Variants in EPPK1 observed in about 807,000 individuals in gnomAD.
EPPK1 encodes epiplakin.
For synonymous variants in EPPK1, 1,862 were observed against 1,721.2 expected, an observed-to-expected ratio of 1.08 and a Z score of -2.03; for missense variants, 3,823 against 3,673.3, an observed-to-expected ratio of 1.04 and a Z score of -1.05.
At position 143,866,387 on chromosome 8, in the gene EPPK1, C is replaced by G; in HGVS notation, c.6867G>C (p.Ala2289=). The G allele has an allele frequency of 1.0e-6, 1 of 992,778 alleles. No individual in the cohort carries two copies. The highest frequency in any genetic ancestry group is 1.4e-6 in the Non-Finnish European group (1 of 709,692). The allele number at this position is 992,778 out of a possible 1,614,324, so 61.5% of individuals were successfully genotyped here. ...CCTGGATCTCGCCGCCCACCACGCC[C>G]GCGGCCACGGCCTCCTCCACCGACA... ...LRLSVEEAVA[A]GVVGGEIQEK... The change falls in exon 2 of 2, where the codon GCG becomes GCC. Residue 2289 remains alanine, a synonymous_variant. Coordinates refer to ENST00000615648, the MANE Select transcript of EPPK1 (RefSeq NM_031308.4).
Position 143,857,945 on chromosome 8 carries a change from C to T in EPPK1, c.*42G>A, listed in dbSNP as rs4977192. On this transcript the variant is annotated 3_prime_UTR_variant, in exon 2 of 2. Coordinates refer to ENST00000615648, the MANE Select transcript of EPPK1 (RefSeq NM_031308.4). The stretch of plus-strand genomic sequence containing the variant: ...CAACCCAGACACACAAGTATGCCTC[C>T]ACTTCTCCAGAGTTGCAGAAAACTG... 3.1e-3 allele frequency: 3,695 copies of T among 1,184,678 alleles called. 12 individuals are homozygous for T. Among genetic ancestry groups the T allele is most frequent in the Non-Finnish European group, 3.8e-3 (3,215 of 855,050 alleles). 73.4% of individuals were successfully genotyped at this position (1,184,678 alleles called of 1,614,324 possible).
At position 143,873,316 on chromosome 8, in the gene EPPK1, G is replaced by T. The variant is rs1468695220; in HGVS notation, c.-45-18C>A. ...CCTCTGTCCTGCAGGGGACAGAAAG[G>T]CTCAATCAGGGACCCCGCATGGCCT... On this transcript the variant is annotated intron_variant, in intron 1 of 1. Transcript: ENST00000615648. 1.4e-6 allele frequency: 2 copies of T among 1,432,104 alleles called. No homozygotes were observed. The highest frequency in any genetic ancestry group is 1.8e-6 in the Non-Finnish European group (2 of 1,095,472). The allele number at this position is 1,432,104 out of a possible 1,614,324, so 88.7% of individuals were successfully genotyped here. A position where few individuals can be genotyped will look rare whatever the true frequency, so the allele number is the denominator to read the frequency against.
At position 143,871,754 on chromosome 8, in the gene EPPK1, C is replaced by T; in HGVS notation, c.1500G>A (p.Val500=). 6.2e-7 allele frequency: 1 copy of T among 1,610,786 alleles called. No homozygotes were observed. The highest frequency in any genetic ancestry group is 8.5e-7 in the Non-Finnish European group (1 of 1,178,954). Residue 500 remains valine (V), a synonymous_variant, in exon 2 of 2, where the codon GTG becomes GTA. Coordinates refer to ENST00000615648, the MANE Select transcript of EPPK1 (RefSeq NM_031308.4). ...ACACGGGCCGGCCCCGGAACTTCCC[C>T]ACAGAGACGGTGGCTGTGGCCGTGC... is the stretch of plus-strand genomic sequence containing the variant. The part of the protein sequence containing the change: ...ALSTATATVS[V]GKFRGRPVSL...
rs566768696 is a variant in EPPK1, at chr8:143,869,173, C to A, written c.4081G>T (p.Ala1361Ser). 1 of 1,608,146 alleles carries A rather than the reference C, an allele frequency of 6.2e-7. No individual in the cohort carries two copies. Among genetic ancestry groups the A allele is most frequent in the African/African-American group, 1.3e-5 (1 of 75,042 alleles). ...ACAGGGTCCACCACACCCCCTGTGG[C>A]CAGCTGCACCTGCAGGAGGGGCAAG... Reference protein sequence around the residue: ...EGLPLLQVQLATGGVVDPVHG... With the variant: ...EGLPLLQVQLSTGGVVDPVHG... The change falls in exon 2 of 2, where the codon GCC becomes TCC. Residue 1361 changes from alanine (A) to serine (S), a missense_variant. By Grantham distance (99) the Ala-to-Ser change is moderately conservative (BLOSUM62 1). Transcript: ENST00000615648.
rs1554661441 is a variant in EPPK1, at chr8:143,872,111, C to T, written c.1143G>A (p.Met381Ile). The change falls in exon 2 of 2, where the codon ATG (methionine) becomes ATA (isoleucine). Residue 381 changes from methionine (M) to isoleucine (I), a missense_variant. Met to Ile is a conservative substitution (Grantham distance 10, BLOSUM62 1). Transcript: ENST00000615648. ...SGSQIPLFQAMKKGLVDRPLA... is the reference protein window; with the variant it reads ...SGSQIPLFQAIKKGLVDRPLA... ...GTGGCCTGTCCACTAGCCCCTTCTT[C>T]ATGGCCTGGAAAAGGGGGATTTGGG... The T allele has an allele frequency of 1.3e-6, 2 of 1,560,154 alleles. No homozygotes were observed. The highest frequency in any genetic ancestry group is 2.7e-5 in the African/African-American group (2 of 73,496).
chr8:143,877,741 A>G (rs1314088877), intron 1 of EPPK1, among the ~76,000 whole-genome samples: 1 of 151,994 alleles, frequency 6.6e-6, no homozygotes, highest in African/African-American at 2.4e-5. Flanking sequence ...GGAAGACCCC[A>G]CCCACCTGCA....
Position 143,857,895 on chromosome 8 carries a change from A to G in EPPK1, c.*92T>C. On this transcript the variant is annotated 3_prime_UTR_variant, in exon 2 of 2. Coordinates refer to ENST00000615648, the MANE Select transcript of EPPK1 (RefSeq NM_031308.4). ...GGTAAAACAACAAAATTAAAGAATG[A>G]CAAAAAAAAAAAAAAAAAAAAAAAC... 1.2e-6 allele frequency: 1 copy of G among 827,414 alleles called. No homozygotes were observed. 51.3% of individuals were successfully genotyped at this position (827,414 alleles called of 1,614,324 possible).
chr8:143,878,434 G>GCACCCGCCA lies in EPPK1; in HGVS notation c.-46+3_-46+4insTGGCGGGTG, dbSNP rs1819532342. Reference sequence around the variant, plus strand: ...ACCCGCCGCACCCGCCGCACCCGCCGCACCTGCCCGCTCGCCGCTCGGTCC... The same window carrying GCACCCGCCA: ...ACCCGCCGCACCCGCCGCACCCGCCGCACCCGCCACACCTGCCCGCTCGCCGCTCGGTCC... On this transcript the variant is annotated splice_donor_region_variant and intron_variant, in intron 1 of 1. Coordinates refer to ENST00000615648, the MANE Select transcript of EPPK1 (RefSeq NM_031308.4). 2 of 124,552 alleles carry GCACCCGCCA rather than the reference G, an allele frequency of 1.6e-5. No individual in the cohort carries two copies. Among genetic ancestry groups the GCACCCGCCA allele is most frequent in the Non-Finnish European group, 3.6e-5 (2 of 55,568 alleles). 7.7% of individuals were successfully genotyped at this position (124,552 alleles called of 1,614,324 possible).
At position 143,876,884 on chromosome 8, in the gene EPPK1, G is replaced by A. The variant is rs544508217; in HGVS notation, c.-46+1554C>T. 5.5e-4 allele frequency among the ~76,000 whole-genome samples: 83 copies of A among 152,274 alleles called. No individual in the cohort carries two copies. The East Asian group carries it at 0.016, about 29-fold the overall frequency. Reference sequence around the variant, plus strand: ...CGGGCCAGGGTGGGGCAGGGCCAGCGAGGGCGGGGCAGGGCCAGTGAGGGT... The same window carrying A: ...CGGGCCAGGGTGGGGCAGGGCCAGCAAGGGCGGGGCAGGGCCAGTGAGGGT... On this transcript the variant is annotated intron_variant, in intron 1 of 1. Transcript: ENST00000615648.
intron 1 of EPPK1, among the ~76,000 whole-genome samples, 197 bp downstream of exon 1, chr8:143,878,241 G>A (rs1311782061): frequency 6.6e-6 from 1 of 151,856 alleles, no homozygotes; most frequent in Non-Finnish European, 1.5e-5. Context: ...AAACCTGCCC[G>A]GCCAGAGCCC....
intron 1 of EPPK1, among the ~76,000 whole-genome samples, chr8:143,877,178 C>T (rs1158816143): frequency 2.6e-5 from 4 of 152,240 alleles, no homozygotes; most frequent in African/African-American, 7.2e-5. Flanking sequence ...CCTATCTCTT[C>T]CTGACCTTGG....
Position 143,869,496 on chromosome 8 carries a change from A to G in EPPK1, c.3758T>C (p.Leu1253Pro). The change falls in exon 2 of 2, where the codon CTA becomes CCA. Residue 1253 changes from leucine (L) to proline (P), a missense_variant. Transcript: ENST00000615648. ...GCTGGCCTTGGCCCCAGAGGGCTGT[A>G]GCAGCACACCGGCCACGCAGCCTGT... ...WGTGCVAGVLLQPSGAKASIA... is the reference protein window; with the variant it reads ...WGTGCVAGVLPQPSGAKASIA... 6.5e-7 allele frequency: 1 copy of G among 1,549,664 alleles called. No homozygotes were observed. Among genetic ancestry groups the G allele is most frequent in the Middle Eastern group, 1.7e-4 (1 of 5,808 alleles).
chr8:143,878,993 C>T (rs1216152291), upstream of EPPK1, among the ~76,000 whole-genome samples: 3 of 152,114 alleles, frequency 2.0e-5, no homozygotes, highest in Non-Finnish European at 4.4e-5. Context: ...CAGGCCTCAC[C>T]CCCCGGTCTG....
rs1199922400 is a variant in EPPK1 at position 143,866,340 on chromosome 8, C to T, written c.6914G>A (p.Arg2305His). 3.5e-5 allele frequency: 17 copies of T among 491,462 alleles called. No homozygotes were observed. Among genetic ancestry groups the T allele is most frequent in the Admixed American group, 2.7e-4 (5 of 18,410 alleles). 30.4% of individuals were successfully genotyped at this position (491,462 alleles called of 1,614,324 possible). A position where few individuals can be genotyped will look rare whatever the true frequency, so the allele number is the denominator to read the frequency against. The change falls in exon 2 of 2, where the codon CGC (arginine) becomes CAC (histidine). Residue 2305 changes from arginine to histidine, a missense_variant. Physicochemically the swap from Arg to His is conservative, Grantham distance 29. Coordinates refer to ENST00000615648, the MANE Select transcript of EPPK1 (RefSeq NM_031308.4). ...EIQEKLLSAE[R>H]AVTGYTDPYT... ...GGGGTCGGTGTAGCCGGTGACGGCG[C>T]GCTCGGCCGACAGCAGCTTCTCCTG...
In EPPK1 at chr8:143,858,130, G is replaced by GGTTCATCTCCTC. The variant is rs1818946490; in HGVS notation, c.15112_15123dup (p.Glu5038_Asn5041dup). The GGTTCATCTCCTC allele has an allele frequency of 6.2e-7, 1 of 1,613,208 alleles. No individual in the cohort carries two copies. The highest frequency in any genetic ancestry group is 8.5e-7 in the Non-Finnish European group (1 of 1,180,036). ...TCGTCGCTGGGGTCGGCCAGGACGC[G>GGTTCATCTCCTC]GTTCATCTCCTCGTCGAAGTAGCCG... On this transcript the variant is annotated inframe_insertion, in exon 2 of 2. Transcript: ENST00000615648.
At position 143,868,585 on chromosome 8, in the gene EPPK1, C is replaced by T. The variant is rs782186468; in HGVS notation, c.4669G>A (p.Val1557Met). 3.1e-6 allele frequency: 5 copies of T among 1,604,174 alleles called. No homozygotes were observed. The highest frequency in any genetic ancestry group is 4.3e-6 in the Non-Finnish European group (5 of 1,176,102). Residue 1557 changes from valine (V) to methionine (M), a missense_variant, in exon 2 of 2, where the codon GTG (valine) becomes ATG (methionine). By Grantham distance (21) the Val-to-Met change is conservative. Coordinates refer to ENST00000615648, the MANE Select transcript of EPPK1 (RefSeq NM_031308.4). The stretch of plus-strand genomic sequence containing the variant: ...CGCTTCACGCTGTCCATCTCCGCCA[C>T]CTCCTTCACAGTCGTTGTCCCCTGG... ...LSQGTTTVKE[V>M]AEMDSVKRSL...
chr8:143,871,462 T>A lies in EPPK1; in HGVS notation c.1792A>T (p.Ser598Cys). 1.2e-6 allele frequency: 2 copies of A among 1,608,240 alleles called. No homozygotes were observed. Among genetic ancestry groups the A allele is most frequent in the Non-Finnish European group, 1.7e-6 (2 of 1,178,298 alleles). The change falls in exon 2 of 2, where the codon AGC (serine) becomes TGC (cysteine). Residue 598 changes from serine (S) to cysteine (C), a missense_variant. By Grantham distance (112) the Ser-to-Cys change is moderately radical. Coordinates refer to ENST00000615648, the MANE Select transcript of EPPK1 (RefSeq NM_031308.4). The part of the protein sequence containing the change: ...HGQATAKDVG[S>C]LASVQRYLQG... Reference sequence around the variant, plus strand: ...AGGTACCTCTGCACCGAGGCCAGGCTGCCCACATCCTTGGCTGTGGCCTGT... The same window carrying A: ...AGGTACCTCTGCACCGAGGCCAGGCAGCCCACATCCTTGGCTGTGGCCTGT...
chr8:143,870,718 G>C lies in EPPK1; in HGVS notation c.2536C>G (p.Arg846Gly). 2 of 1,611,478 alleles carry C rather than the reference G, an allele frequency of 1.2e-6. No individual in the cohort carries two copies. Among genetic ancestry groups the C allele is most frequent in the Non-Finnish European group, 1.7e-6 (2 of 1,179,198 alleles). The change falls in exon 2 of 2, where the codon CGC (arginine) becomes GGC (glycine). Residue 846 changes from arginine to glycine, a missense_variant. Physicochemically the swap from Arg to Gly is moderately radical, Grantham distance 125. Coordinates refer to ENST00000615648, the MANE Select transcript of EPPK1 (RefSeq NM_031308.4). This position sits in a 1 kb window ranked among gnomAD's most constrained non-coding sequence, Gnocchi z 5.2. ...TAGCGACGCAGCAGCTGCCTCCTGC[G>C]GCCCTCGCTGAAGTACTCAGAGTTG... ...LINSEYFSEG[R>G]RRQLLRRYRQ... is the part of the protein sequence containing the mutation.
rs77295112 is a variant in EPPK1 at position 143,857,824 on chromosome 8, T to A, written c.*163A>T. The A allele has an allele frequency of 3.4e-3, 1,887 of 562,618 alleles. 33 individuals carry two copies. The highest frequency in any genetic ancestry group is 0.033 in the African/African-American group (1,669 of 51,250). The allele number at this position is 562,618 out of a possible 1,614,324, so 34.9% of individuals were successfully genotyped here. On this transcript the variant is annotated 3_prime_UTR_variant, in exon 2 of 2. Transcript: ENST00000615648. ...AACACCTCGATGGACAAAGGAAAAG[T>A]TTCTGTCACATGACAACTTAAAACG...
Sources: allele counts gnomAD v4.1 joint callset (sites outside exome capture counted in the v4.1 genomes callset), GRCh38; gene constraint gnomAD v4.1.1; non-coding constraint Gnocchi (gnomAD v3.1); transcripts MANE v1.5; gene names NCBI Gene and HGNC (gene_info 2026-07-23, HGNC 2026-07-21).